The following MYRF variants were observed in gnomAD, a reference collection of about 807,000 sequenced individuals.
MYRF encodes the protein myelin regulatory factor.
Under a neutral mutation model 126.3 loss-of-function variants are expected in MYRF, and 16 were observed. The observed-to-expected ratio is 0.13, with a 90% CI of 0.09 to 0.19. The LOEUF (loss-of-function observed/expected upper bound fraction) is 0.19. Ranked by LOEUF, MYRF falls within the 10% of genes least tolerant of loss-of-function variation. The pLI, the probability that MYRF is intolerant of heterozygous loss-of-function variation, is 1.00. For missense variants in MYRF, 1,104 were observed against 1,547.0 expected (o/e 0.71, Z 4.80); for synonymous variants, 608 against 635.3 (o/e 0.96, Z 0.65).
intron 7 of MYRF, 65 bp downstream of exon 7, chr11:61,772,017 A>G: frequency 6.3e-7 from 1 of 1,594,426 alleles, no homozygotes; most frequent in Non-Finnish European, 8.6e-7. Context: ...CCAGCCCAGG[A>G]CCCCATCAAG....
chr11:61,758,270 C>G (rs2065813185), intron 1 of MYRF, among the ~76,000 whole-genome samples: 2 of 152,196 alleles, frequency 1.3e-5, no homozygotes, highest in Non-Finnish European at 2.9e-5. Context: ...AGTGCACAAC[C>G]ACAGCCTCTG....
rs765747259 is a variant in MYRF, at chr11:61,786,465, G to A, written c.*322G>A. 38 of 389,224 alleles carry A rather than the reference G, an allele frequency of 9.8e-5. No homozygotes were observed. The highest frequency in any genetic ancestry group is 1.4e-4 in the Non-Finnish European group (30 of 208,028). 24.1% of individuals were successfully genotyped at this position (389,224 alleles called of 1,614,324 possible). ...TGGTTCAGGTGCCCTGGAGGGAAGGGGAAGCCTGTGGCCCTGATTTGTTCA... is the reference window on the plus strand; with the variant it reads ...TGGTTCAGGTGCCCTGGAGGGAAGGAGAAGCCTGTGGCCCTGATTTGTTCA... On this transcript the variant is annotated 3_prime_UTR_variant, in exon 27 of 27. Transcript: ENST00000278836. This position sits in a 1 kb window ranked among gnomAD's most constrained non-coding sequence, Gnocchi z 4.5.
chr11:61,767,655 C>G (rs1022475125), intron 3 of MYRF: 1 of 343,518 alleles, frequency 2.9e-6, no homozygotes, highest in Non-Finnish European at 5.7e-6. Flanking sequence ...GAAACCCCAT[C>G]TCTACAAAAA....
chr11:61,756,260 G>A (rs2065750278), intron 1 of MYRF, among the ~76,000 whole-genome samples: 1 of 152,092 alleles, frequency 6.6e-6, no homozygotes, highest in Non-Finnish European at 1.5e-5. Flanking sequence ...TAGCCAGAGT[G>A]GACACCTAGC....
intron 7 of MYRF, among the ~76,000 whole-genome samples, chr11:61,772,652 C>T (rs1460538858): frequency 6.6e-6 from 1 of 152,246 alleles, no homozygotes; most frequent in Non-Finnish European, 1.5e-5. Context: ...TATGGCACTC[C>T]AGCCTCTCTG....
rs1565304530 is a variant in MYRF at position 61,781,123 on chromosome 11, C to T, written c.2573-15C>T. Reference sequence around the variant, plus strand: ...TTGGGGCTTCTCTGGCTCATACAGCCTCTGGCCTCCTCAGTGACCACCAGC... The same window carrying T: ...TTGGGGCTTCTCTGGCTCATACAGCTTCTGGCCTCCTCAGTGACCACCAGC... On this transcript the variant is annotated splice_polypyrimidine_tract_variant and intron_variant, in intron 20 of 26. Transcript: ENST00000278836. 2 of 1,612,806 alleles carry T rather than the reference C, an allele frequency of 1.2e-6. No homozygotes were observed. Among genetic ancestry groups the T allele is most frequent in the East Asian group, 4.5e-5 (2 of 44,860 alleles).
At chr11:61,765,745 C>A in intron 2 of MYRF, 33 bp downstream of exon 2, 1 of 1,583,160 alleles carries the variant, frequency 6.3e-7, no homozygotes, top group Non-Finnish European at 8.6e-7. Flanking sequence ...CTGCACCCGC[C>A]CAGCCCCAGC....
chr11:61,779,555 C>G lies in MYRF; in HGVS notation c.2232C>G (p.Pro744=), dbSNP rs757229637. Reference sequence around the variant, plus strand: ...GCGTCCCCCACAAGAAGAGGCCCCCCAAGGTGGCCAGCAAGGTAGGGGTGA... The same window carrying G: ...GCGTCCCCCACAAGAAGAGGCCCCCGAAGGTGGCCAGCAAGGTAGGGGTGA... ...AGSVPHKKRP[P]KVASKSSSVV... The change falls in exon 16 of 27, where the codon CCC becomes CCG. Residue 744 remains proline (P), a synonymous_variant. Coordinates refer to ENST00000278836, the MANE Select transcript of MYRF (RefSeq NM_001127392.3). The G allele has an allele frequency of 2.9e-5, 44 of 1,504,084 alleles. No individual in the cohort carries two copies. The highest frequency in any genetic ancestry group is 3.8e-5 in the Non-Finnish European group (43 of 1,126,912). 93.2% of individuals were successfully genotyped at this position (1,504,084 alleles called of 1,614,324 possible).
chr11:61,776,689 T>G lies in MYRF; in HGVS notation c.1500-98T>G. 1.0e-6 allele frequency: 1 copy of G among 994,276 alleles called. No individual in the cohort carries two copies. The highest frequency in any genetic ancestry group is 1.5e-6 in the Non-Finnish European group (1 of 674,512). 61.6% of individuals were successfully genotyped at this position (994,276 alleles called of 1,614,324 possible). On this transcript the variant is annotated intron_variant, in intron 10 of 26. Transcript: ENST00000278836. The surrounding 1 kb of genome is among the most constrained non-coding windows in gnomAD (Gnocchi z 4.3). ...GGTGGAGGCTCGGGTTCCTCCTCTG[T>G]AGGAGGGGGTGAGATGAACATGCAT... is the stretch of plus-strand genomic sequence containing the variant.
intron 7 of MYRF, among the ~76,000 whole-genome samples, chr11:61,773,724 C>A (rs1308560557): frequency 6.6e-6 from 1 of 152,102 alleles, no homozygotes; most frequent in South Asian, 2.1e-4. Context: ...ATCACCAGGG[C>A]GGGGCGGTGG....
intron 1 of MYRF, among the ~76,000 whole-genome samples, chr11:61,753,148 C>T (rs575700877): frequency 6.6e-6 from 1 of 152,236 alleles, no homozygotes; most frequent in Non-Finnish European, 1.5e-5. Flanking sequence ...CTTTGCTTCC[C>T]CAGAACCCCA....
intron 1 of MYRF, among the ~76,000 whole-genome samples, chr11:61,763,966 G>C (rs1209330596): frequency 6.6e-6 from 1 of 152,244 alleles, no homozygotes; most frequent in Non-Finnish European, 1.5e-5. Flanking sequence ...GGGACCCGTG[G>C]TTACAGCAGG....
chr11:61,771,269 G>A (rs544684654), intron 5 of MYRF, among the ~76,000 whole-genome samples: 1 of 152,318 alleles, frequency 6.6e-6, no homozygotes, highest in Admixed American at 6.5e-5. Flanking sequence ...AGTCAGGTGT[G>A]GCTCCTGTCC....
rs2065930051 is a variant in MYRF at position 61,762,635 on chromosome 11, AC to A, written c.47-2987del. Among the ~76,000 whole-genome samples, 3 of 151,952 alleles carry A rather than the reference AC, an allele frequency of 2.0e-5. No individual in the cohort carries two copies. In the South Asian group the frequency reaches 6.2e-4, roughly 32 times the overall value. On this transcript the variant is annotated intron_variant, in intron 1 of 26. Transcript: ENST00000278836. ...TCTATCCCAGCTTCGGCAAGCCCCC[AC>A]CCTTGTCTTGTCCACCTGGAAAGTC... is the stretch of plus-strand genomic sequence containing the variant.
intron 1 of MYRF, among the ~76,000 whole-genome samples, chr11:61,761,869 G>A (rs2065910482): frequency 6.6e-6 from 1 of 152,276 alleles, no homozygotes; most frequent in Non-Finnish European, 1.5e-5. Flanking sequence ...CATGTAAAGT[G>A]CATGGCACAG....
At chr11:61,781,929 T>C in intron 22 of MYRF, 105 bp downstream of exon 22, 1 of 1,340,640 alleles carries the variant, frequency 7.5e-7, no homozygotes, top group African/African-American at 1.5e-5. Context: ...GACTTGTCAG[T>C]CAATAGACGT....
At position 61,770,343 on chromosome 11, in the gene MYRF, A is replaced by AGGG; in HGVS notation, c.560_561insGGG (p.Gly187dup). The AGGG allele has an allele frequency of 3.8e-6, 5 of 1,330,314 alleles. No homozygotes were observed. Among genetic ancestry groups the AGGG allele is most frequent in the Non-Finnish European group, 5.1e-6 (5 of 982,602 alleles). The allele number at this position is 1,330,314 out of a possible 1,614,324, so 82.4% of individuals were successfully genotyped here. On this transcript the variant is annotated inframe_insertion, in exon 5 of 27. Transcript: ENST00000278836. ...CGCCCCCACCTCCAGCCCACTTGCC[A>AGGG]GGCCCCCCGCCACCCCCACCACCCC...
intron 1 of MYRF, among the ~76,000 whole-genome samples, chr11:61,763,400 A>G (rs1591086631): frequency 2.0e-5 from 3 of 152,306 alleles, no homozygotes; most frequent in African/African-American, 7.2e-5. Context: ...AGTCACTGTC[A>G]CCACCACTGT....
At chr11:61,755,258 G>A in intron 1 of MYRF, 1 of 997,036 alleles carries the variant, frequency 1.0e-6, no homozygotes, top group Admixed American at 2.8e-5. Context: ...GTGGTGGGCT[G>A]GGGGCTAAGG....
Sources: gnomAD v4.1 joint callset for allele counts (sites outside exome capture counted in the v4.1 genomes callset) on GRCh38, gnomAD v4.1.1 for gene constraint, Gnocchi (gnomAD v3.1) non-coding constraint, MANE v1.5 for transcripts, NCBI Gene and HGNC (gene_info 2026-07-23, HGNC 2026-07-21) for gene names.